B3GALT1: variants seen among roughly 807,000 people sequenced by gnomAD.
B3GALT1 encodes the protein beta-1,3-galactosyltransferase 1, also known as UDP-Gal:betaGlcNAc beta 1,3-galactosyltransferase, polypeptide 1.
In B3GALT1, 10 loss-of-function variants were observed where a neutral mutation model predicts 23.2. The ratio of observed to expected loss-of-function variants is 0.43; its 90% confidence interval spans 0.27 to 0.73. The LOEUF (loss-of-function observed/expected upper bound fraction) is 0.73. Among genes scored for constraint, B3GALT1 ranks in the 30% least tolerant of loss-of-function variants. The probability of loss-of-function intolerance (pLI) is 0.21; values close to 1 mark genes in which losing one functional copy is unlikely to be tolerated. For missense variants in B3GALT1, 299 were observed against 405.4 expected (o/e 0.74, Z 2.25); for synonymous variants, 156 against 141.5 (o/e 1.10, Z -0.73).
chr2:167,353,194 C>T (rs1697344828), intron 1 of B3GALT1, among the ~76,000 whole-genome samples: 1 of 152,132 alleles, frequency 6.6e-6, no homozygotes, highest in Non-Finnish European at 1.5e-5. Flanking sequence ...CCTGTCTCAA[C>T]TGGAAAAGAA....
chr2:167,699,044 AT>A (rs1375049053), intron 3 of B3GALT1, among the ~76,000 whole-genome samples: 1 of 152,198 alleles, frequency 6.6e-6, no homozygotes, highest in African/African-American at 2.4e-5. Context: ...TATGAAAATA[AT>A]TTTTAACATA....
intron 4 of B3GALT1, among the ~76,000 whole-genome samples, chr2:167,863,647 C>A (rs1690149541): frequency 6.6e-6 from 1 of 152,220 alleles, no homozygotes; most frequent in South Asian, 2.1e-4. Context: ...TTCCGTGCAT[C>A]ATGCTACTCT....
intron 2 of B3GALT1, among the ~76,000 whole-genome samples, chr2:167,547,180 A>G (rs536426133): frequency 6.6e-6 from 1 of 152,158 alleles, no homozygotes; most frequent in Non-Finnish European, 1.5e-5. Flanking sequence ...TGCTACTACT[A>G]AAACCTTCCA....
chr2:167,847,054 T>C (rs111805871), intron 4 of B3GALT1, among the ~76,000 whole-genome samples: 2,288 of 152,212 alleles, frequency 0.015, 70 homozygotes, highest in African/African-American at 0.052. Flanking sequence ...CAGCAAAATA[T>C]CACAATCCTA....
chr2:167,429,739 C>T (rs1490296429), intron 1 of B3GALT1, among the ~76,000 whole-genome samples: 1 of 152,182 alleles, frequency 6.6e-6, no homozygotes, highest in Non-Finnish European at 1.5e-5. Context: ...CCCCCAAGGG[C>T]CTCAGTTTCC....
intron 3 of B3GALT1, among the ~76,000 whole-genome samples, chr2:167,736,242 A>C (rs1211152225): frequency 6.6e-6 from 1 of 152,220 alleles, no homozygotes; most frequent in Non-Finnish European, 1.5e-5. Context: ...TTTTAGTGCC[A>C]CATTTAAGAA....
At chr2:167,408,664 C>T (rs1013400416) in intron 1 of B3GALT1, among the ~76,000 whole-genome samples, 1 of 151,662 alleles carries the variant, frequency 6.6e-6, no homozygotes, top group South Asian at 2.1e-4. Flanking sequence ...AATTAACATA[C>T]AAAAATCAGT....
intron 4 of B3GALT1, among the ~76,000 whole-genome samples, chr2:167,835,223 G>A (rs1689434778): frequency 1.3e-5 from 2 of 152,186 alleles, no homozygotes; most frequent in Admixed American, 1.3e-4. Flanking sequence ...CCGAAGCAGG[G>A]CGAGGCATTG....
intron 1 of B3GALT1, among the ~76,000 whole-genome samples, chr2:167,474,932 G>T (rs1346853554): frequency 6.6e-6 from 1 of 152,058 alleles, no homozygotes; most frequent in Non-Finnish European, 1.5e-5. Context: ...TGAAGACTTT[G>T]TCTCCTCATA....
At chr2:167,402,709 C>G (rs1161030187) in intron 1 of B3GALT1, among the ~76,000 whole-genome samples, 4 of 152,110 alleles carry the variant, frequency 2.6e-5, no homozygotes, top group Non-Finnish European at 4.4e-5. Flanking sequence ...CTCAAGTCAT[C>G]TGGCATCAGA....
chr2:167,426,669 GT>G (rs1164390371), intron 1 of B3GALT1, among the ~76,000 whole-genome samples: 1 of 152,150 alleles, frequency 6.6e-6, no homozygotes, highest in Non-Finnish European at 1.5e-5. Context: ...TATTAAATAA[GT>G]AGATGGATAA....
chr2:167,383,979 T>C (rs1004268961), intron 1 of B3GALT1, among the ~76,000 whole-genome samples: 1 of 152,242 alleles, frequency 6.6e-6, no homozygotes, highest in Non-Finnish European at 1.5e-5. Context: ...GATGTCATAC[T>C]TTTAAAATGC....
At chr2:167,863,990 ATGTGTGTGTGTGTGTGTG>A (rs34276280) in intron 4 of B3GALT1, among the ~76,000 whole-genome samples, 31 of 143,620 alleles carry the variant, frequency 2.2e-4, no homozygotes, top group Non-Finnish European at 4.6e-5. Context: ...GCATGTATGT[ATGTGTGTGTGTGTGTGTG>A]TGTGTGTGTG....
intron 2 of B3GALT1, among the ~76,000 whole-genome samples, chr2:167,576,180 T>G (rs934941199): frequency 2.0e-5 from 3 of 151,856 alleles, no homozygotes; most frequent in African/African-American, 7.2e-5. Context: ...AACACTGAAT[T>G]AAGGACTTTA....
At chr2:167,501,914 A>G (rs1024633052) in intron 2 of B3GALT1, among the ~76,000 whole-genome samples, 8 of 152,118 alleles carry the variant, frequency 5.3e-5, no homozygotes, top group Non-Finnish European at 8.8e-5. Flanking sequence ...TTTGTGTCTC[A>G]TTTCTGTTTT....
intron 2 of B3GALT1, among the ~76,000 whole-genome samples, chr2:167,592,927 T>C (rs1369814321): frequency 6.6e-6 from 1 of 152,150 alleles, no homozygotes; most frequent in East Asian, 1.9e-4. Flanking sequence ...AAAAAGATGG[T>C]CAGTGTCATG....
intron 4 of B3GALT1, among the ~76,000 whole-genome samples, chr2:167,861,984 G>T (rs566994732): frequency 1.3e-5 from 2 of 152,298 alleles, no homozygotes; most frequent in Admixed American, 1.3e-4. Flanking sequence ...ATGGAAGCAA[G>T]CTGCTTGGTG....
intron 3 of B3GALT1, among the ~76,000 whole-genome samples, chr2:167,803,698 G>A (rs1189096150): frequency 2.0e-5 from 3 of 152,074 alleles, no homozygotes; most frequent in Non-Finnish European, 4.4e-5. Flanking sequence ...CTGGCTTCCT[G>A]AGCAAAAGCC....
At chr2:167,385,329 A>G (rs955018037) in intron 1 of B3GALT1, among the ~76,000 whole-genome samples, 1 of 152,200 alleles carries the variant, frequency 6.6e-6, no homozygotes, top group Non-Finnish European at 1.5e-5. Flanking sequence ...TCCCTGACAC[A>G]GAATTAATCA....
Sources: gnomAD v4.1 joint callset for allele counts (sites outside exome capture counted in the v4.1 genomes callset) on GRCh38, gnomAD v4.1.1 for gene constraint, MANE v1.5 for transcripts, NCBI Gene and HGNC (gene_info 2026-07-23, HGNC 2026-07-21) for gene names.